STK17A: variants seen among roughly 807,000 people sequenced by gnomAD.
STK17A encodes serine/threonine-protein kinase 17A.
Under a neutral mutation model 43.7 loss-of-function variants are expected in STK17A, and 26 were observed. The observed-to-expected ratio is 0.60, with a 90% CI of 0.44 to 0.83. STK17A has a LOEUF of 0.83. STK17A is among the 40% of genes least tolerant of loss of function. The probability of loss-of-function intolerance (pLI) is 0.00; values close to 1 mark genes in which losing one functional copy is unlikely to be tolerated. For synonymous variants in STK17A, 191 were observed against 182.5 expected (o/e 1.05, Z -0.38); for missense variants, 476 against 511.6 (o/e 0.93, Z 0.67).
Position 43,624,763 on chromosome 7 carries a change from T to C in STK17A, c.1166T>C (p.Met389Thr), listed in dbSNP as rs201305620. 340 of 1,613,596 alleles carry C rather than the reference T, an allele frequency of 2.1e-4. 1 individual carries two copies. Among genetic ancestry groups the C allele is most frequent in the Non-Finnish European group, 5.4e-5 (64 of 1,179,718 alleles). ...GQCRQSEKEKMEQKAISKRFK... is the reference protein window; with the variant it reads ...GQCRQSEKEKTEQKAISKRFK... ...TGCAGACAGTCTGAAAAAGAGAAAA[T>C]GGAGCAAAAGGCCATTTCCAAACGA... The change falls in exon 7 of 7, where the codon ATG (methionine) becomes ACG (threonine). Residue 389 changes from methionine to threonine, a missense_variant. Physicochemically the swap from Met to Thr is moderately conservative, Grantham distance 81. This residue lies in a region of STK17A where 110 missense variants were observed against 103.7 expected (regional missense o/e 1.06). Transcript: ENST00000319357.
Position 43,608,416 on chromosome 7 carries a change from C to A in STK17A, c.564+16C>A, listed in dbSNP as rs767880195. On this transcript the variant is annotated intron_variant, in intron 3 of 6. Transcript: ENST00000319357. ...TGATTTGAAGGTAAGATTCAAATTA[C>A]AATTTTGAGATTGCTAAAGAATGAC... 2.5e-6 allele frequency: 4 copies of A among 1,591,332 alleles called. No homozygotes were observed. Among genetic ancestry groups the A allele is most frequent in the South Asian group, 2.3e-5 (2 of 86,930 alleles).
chr7:43,621,353 T>C (rs1291743802), intron 4 of STK17A, among the ~76,000 whole-genome samples: 1 of 152,246 alleles, frequency 6.6e-6, no homozygotes, highest in Non-Finnish European at 1.5e-5. Flanking sequence ...CCAAGTGTTT[T>C]AGCCAAATTT....
In STK17A at chr7:43,592,687, TAA is replaced by T. The variant is rs34551277; in HGVS notation, c.207-3194_207-3193del. 2.6e-3 allele frequency among the ~76,000 whole-genome samples: 280 copies of T among 109,478 alleles called. 1 individual carries two copies. The highest frequency in any genetic ancestry group is 7.7e-3 in the East Asian group (32 of 4,130). 71.8% of individuals were successfully genotyped at this position (109,478 alleles called of 152,430 possible). On this transcript the variant is annotated intron_variant, in intron 1 of 6. Coordinates refer to ENST00000319357, the MANE Select transcript of STK17A (RefSeq NM_004760.3). ...AAACATGACGAAACCCCATCTGTACTAAAAAAAAAAAAAAAAAAAAATCAAAA... is the reference window on the plus strand; with the variant it reads ...AAACATGACGAAACCCCATCTGTACTAAAAAAAAAAAAAAAAAAATCAAAA...
At chr7:43,583,532 C>A in intron 1 of STK17A, 83 bp downstream of exon 1, 2 of 1,142,510 alleles carry the variant, frequency 1.8e-6, no homozygotes, top group Non-Finnish European at 2.2e-6. Context: ...GGCGCCGCGG[C>A]GGCGAGGCTG....
chr7:43,625,847 T>C lies in STK17A; in HGVS notation c.*1005T>C, dbSNP rs1247499983. On this transcript the variant is annotated 3_prime_UTR_variant, in exon 7 of 7. Coordinates refer to ENST00000319357, the MANE Select transcript of STK17A (RefSeq NM_004760.3). ...AGCCCTCAAGCTATGCTAGGAAAAG[T>C]TATAAAATGCCAAAATATTTATAAA... is the stretch of plus-strand genomic sequence containing the variant. The C allele has an allele frequency of 6.6e-6, 1 of 152,016 alleles. No homozygotes were observed. Among genetic ancestry groups the C allele is most frequent in the Non-Finnish European group, 1.5e-5 (1 of 67,992 alleles). 9.4% of individuals were successfully genotyped at this position (152,016 alleles called of 1,614,324 possible). A position where few individuals can be genotyped will look rare whatever the true frequency, so the allele number is the denominator to read the frequency against.
At chr7:43,594,100 A>G (rs554136237) in intron 1 of STK17A, among the ~76,000 whole-genome samples, 3 of 152,216 alleles carry the variant, frequency 2.0e-5, no homozygotes, top group East Asian at 1.9e-4. Flanking sequence ...TAGGGAGTCA[A>G]CCTTATGGGG....
chr7:43,593,213 T>C (rs1030405829), intron 1 of STK17A, among the ~76,000 whole-genome samples: 4 of 152,230 alleles, frequency 2.6e-5, no homozygotes, highest in Non-Finnish European at 5.9e-5. Context: ...TCCAGTTCCA[T>C]CCATGTTACT....
rs1583547552 is a variant in STK17A at position 43,591,405 on chromosome 7, G to C, written c.207-4496G>C. 2.0e-5 allele frequency among the ~76,000 whole-genome samples: 3 copies of C among 151,414 alleles called. No homozygotes were observed. In the South Asian group the frequency reaches 6.2e-4, roughly 31 times the overall value. ...TTACCTTTCTTGTATGGCTGCTTTT[G>C]TTCTGCAACAGTGGACTTGAGTCAT... On this transcript the variant is annotated intron_variant, in intron 1 of 6. Coordinates refer to ENST00000319357, the MANE Select transcript of STK17A (RefSeq NM_004760.3).
intron 1 of STK17A, among the ~76,000 whole-genome samples, chr7:43,585,481 A>G (rs1437083383): frequency 6.6e-6 from 1 of 151,520 alleles, no homozygotes; most frequent in Non-Finnish European, 1.5e-5. Flanking sequence ...TTCTTACATA[A>G]ATTTCTTTAC....
chr7:43,611,399 C>T (rs774494895), intron 3 of STK17A, among the ~76,000 whole-genome samples: 4 of 152,206 alleles, frequency 2.6e-5, no homozygotes, highest in Non-Finnish European at 5.9e-5. Context: ...AATGGACACT[C>T]AGGACCCAGT....
chr7:43,616,987 A>G (rs890908778), intron 3 of STK17A, among the ~76,000 whole-genome samples: 4 of 152,224 alleles, frequency 2.6e-5, no homozygotes, highest in Non-Finnish European at 5.9e-5. Flanking sequence ...CTTCACTACC[A>G]TCTTAGGCCT....
intron 1 of STK17A, among the ~76,000 whole-genome samples, chr7:43,593,356 A>G (rs945214170): frequency 2.0e-5 from 3 of 152,212 alleles, no homozygotes; most frequent in African/African-American, 7.2e-5. Flanking sequence ...TGATTAACAT[A>G]TGAGTGCAGG....
rs991179038 is a variant in STK17A at position 43,626,609 on chromosome 7, C to T, written c.*1767C>T. The T allele has an allele frequency of 3.9e-5, 6 of 152,088 alleles. No homozygotes were observed. The highest frequency in any genetic ancestry group is 2.6e-4 in the Admixed American group (4 of 15,264). The allele number at this position is 152,088 out of a possible 1,614,324, so 9.4% of individuals were successfully genotyped here. A position where few individuals can be genotyped will look rare whatever the true frequency, so the allele number is the denominator to read the frequency against. On this transcript the variant is annotated 3_prime_UTR_variant, in exon 7 of 7. Coordinates refer to ENST00000319357, the MANE Select transcript of STK17A (RefSeq NM_004760.3). ...CAGGTAAGTCTTGGAAGAAGTTAAA[C>T]ACAGTATTAGGCAAATATTTATCTC...
chr7:43,593,231 A>G lies in STK17A; in HGVS notation c.207-2670A>G, dbSNP rs564901291. 3.9e-5 allele frequency among the ~76,000 whole-genome samples: 6 copies of G among 152,314 alleles called. No homozygotes were observed. The South Asian group carries it at 1.2e-3, about 32-fold the overall frequency. On this transcript the variant is annotated intron_variant, in intron 1 of 6. Coordinates refer to ENST00000319357, the MANE Select transcript of STK17A (RefSeq NM_004760.3). Reference sequence around the variant, plus strand: ...AGTTCCATCCATGTTACTGCACAAGACATCATTTTTATGGCTGTGTAGTAG... The same window carrying G: ...AGTTCCATCCATGTTACTGCACAAGGCATCATTTTTATGGCTGTGTAGTAG...
chr7:43,584,168 T>C (rs186431056), intron 1 of STK17A, among the ~76,000 whole-genome samples: 265 of 152,254 alleles, frequency 1.7e-3, no homozygotes, highest in African/African-American at 6.0e-3. Flanking sequence ...GTCTGTAAAG[T>C]TGCAGGTGCA....
chr7:43,586,294 C>A (rs1228682652), intron 1 of STK17A, among the ~76,000 whole-genome samples: 1 of 151,320 alleles, frequency 6.6e-6, no homozygotes, highest in Admixed American at 6.6e-5. Context: ...TATCACAGAT[C>A]TAAAACTTTC....
At chr7:43,614,950 C>A (rs1209955657) in intron 3 of STK17A, among the ~76,000 whole-genome samples, 2 of 152,076 alleles carry the variant, frequency 1.3e-5, no homozygotes, top group Non-Finnish European at 2.9e-5. Flanking sequence ...TTTAAGGGAA[C>A]AAATGGTATT....
chr7:43,596,057 C>T lies in STK17A; in HGVS notation c.363C>T (p.Val121=). ...VLELAQDNPW[V]INLHEVYETA... ...AACTAGCACAAGACAATCCTTGGGT[C>T]ATTAATTTACATGAAGTTTATGAGA... is the stretch of plus-strand genomic sequence containing the variant. Residue 121 remains valine (V), a synonymous_variant, in exon 2 of 7, where the codon GTC becomes GTT. Coordinates refer to ENST00000319357, the MANE Select transcript of STK17A (RefSeq NM_004760.3). 1 of 1,613,390 alleles carries T rather than the reference C, an allele frequency of 6.2e-7. No homozygotes were observed. Among genetic ancestry groups the T allele is most frequent in the Non-Finnish European group, 8.5e-7 (1 of 1,179,736 alleles).
chr7:43,583,428 G>C lies in STK17A; in HGVS notation c.185G>C (p.Cys62Ser). The C allele has an allele frequency of 7.2e-7, 1 of 1,380,924 alleles. No individual in the cohort carries two copies. The highest frequency in any genetic ancestry group is 9.4e-7 in the Non-Finnish European group (1 of 1,067,816). 85.5% of individuals were successfully genotyped at this position (1,380,924 alleles called of 1,614,324 possible). The change falls in exon 1 of 7, where the codon TGC becomes TCC. Residue 62 changes from cysteine (C) to serine (S), a missense_variant. Coordinates refer to ENST00000319357, the MANE Select transcript of STK17A (RefSeq NM_004760.3). Reference sequence around the variant, plus strand: ...CCCTTCCAGGACGGCTACAGCCTGTGCCCGGGCCGGGAGCTGGGCAGGTGA... The same window carrying C: ...CCCTTCCAGGACGGCTACAGCCTGTCCCCGGGCCGGGAGCTGGGCAGGTGA... ...TEPFQDGYSL[C>S]PGRELGRGKF...
Sources: allele counts gnomAD v4.1 joint callset (sites outside exome capture counted in the v4.1 genomes callset), GRCh38; gene constraint gnomAD v4.1.1; regional missense constraint gnomAD v4.1.1; transcripts MANE v1.5; gene names NCBI Gene and HGNC (gene_info 2026-07-23, HGNC 2026-07-21).